The following COG5 variants were observed in gnomAD, a reference collection of about 807,000 sequenced individuals.
COG5 encodes the protein conserved oligomeric Golgi complex subunit 5.
In COG5, 86 loss-of-function variants were observed where a neutral mutation model predicts 110.4. That is an observed-to-expected ratio of 0.78 (90% CI 0.65 to 0.93). The LOEUF is 0.93. Ranked by LOEUF, COG5 falls within the 40% of genes least tolerant of loss-of-function variation. The pLI is 0.00. For missense variants in COG5, 1,077 were observed against 987.0 expected (o/e 1.09, Z -1.22); for synonymous variants, 360 against 334.6 (o/e 1.08, Z -0.83).
chr7:107,362,455 A>T (rs1259183528), intron 8 of COG5, 35 bp from the exon 9 acceptor site: 45 of 1,378,838 alleles, frequency 3.3e-5, no homozygotes, highest in Non-Finnish European at 4.6e-5. Context: ...TGAAAAATAA[A>T]GTTTTCCAAA....
At position 107,201,609 on chromosome 7, in the gene COG5, GCA is replaced by G. The variant is rs1798315271; in HGVS notation, c.*1905_*1906del. The G allele has an allele frequency of 1.5e-5, 7 of 452,182 alleles. No individual in the cohort carries two copies. The highest frequency in any genetic ancestry group is 8.1e-6 in the Non-Finnish European group (2 of 247,856). 28.0% of individuals were successfully genotyped at this position (452,182 alleles called of 1,614,324 possible). ...GTGAGGATTTGCTTTCTCCATTAGA[GCA>G]TTAAGCTAAAACTATCAACATTTTA... On this transcript the variant is annotated 3_prime_UTR_variant, in exon 22 of 22. Transcript: ENST00000297135.
At chr7:107,377,233 T>C (rs1371980340) in intron 7 of COG5, among the ~76,000 whole-genome samples, 1 of 152,204 alleles carries the variant, frequency 6.6e-6, no homozygotes, top group Non-Finnish European at 1.5e-5. Context: ...TTTTTAATAA[T>C]AAATTCAATT....
At chr7:107,507,976 G>A (rs1332896062) in intron 6 of COG5, among the ~76,000 whole-genome samples, 1 of 152,318 alleles carries the variant, frequency 6.6e-6, no homozygotes, top group East Asian at 1.9e-4. Flanking sequence ...GGTGATTTCT[G>A]CATTTCCATC....
chr7:107,462,685 G>C (rs1215812305), intron 6 of COG5, among the ~76,000 whole-genome samples: 1 of 151,828 alleles, frequency 6.6e-6, no homozygotes, highest in Non-Finnish European at 1.5e-5. Flanking sequence ...GCAGGGGTGG[G>C]ACACTGATTG....
intron 18 of COG5, among the ~76,000 whole-genome samples, chr7:107,235,386 G>C (rs1237608049): frequency 6.6e-6 from 1 of 152,230 alleles, no homozygotes; most frequent in Non-Finnish European, 1.5e-5. Context: ...GACTAGTAAA[G>C]CTAACAGCTT....
At position 107,248,440 on chromosome 7, in the gene COG5, A is replaced by T. The variant is rs1802217260; in HGVS notation, c.1809T>A (p.Ala603=). 1 of 1,612,954 alleles carries T rather than the reference A, an allele frequency of 6.2e-7. No individual in the cohort carries two copies. The highest frequency in any genetic ancestry group is 2.2e-5 in the East Asian group (1 of 44,832). ...GCATGGTGATGATTATGGCCTCTAT[A>T]GCATCTCCCACAGAAGTGAGTAAGG... is the stretch of plus-strand genomic sequence containing the variant. ...VQPLLTSVGD[A]IEAIIITMHQ... Residue 603 remains alanine (A), a synonymous_variant, in exon 17 of 22, where the codon GCT becomes GCA. Transcript: ENST00000297135.
rs1279772707 is a variant in COG5, at chr7:107,283,614, G to A, written c.1432C>T (p.Pro478Ser). The A allele has an allele frequency of 5.6e-6, 9 of 1,613,988 alleles. No homozygotes were observed. The highest frequency in any genetic ancestry group is 1.3e-5 in the African/African-American group (1 of 75,022). The change falls in exon 13 of 22, where the codon CCT becomes TCT. Residue 478 changes from proline (P) to serine (S), a missense_variant. By Grantham distance (74) the Pro-to-Ser change is moderately conservative (BLOSUM62 -1). Coordinates refer to ENST00000297135, the MANE Select transcript of COG5 (RefSeq NM_006348.5). ...LVFPPGGRNP[P>S]SSDELDGIIK... ...ATACCATCAAGTTCATCAGAGGAAG[G>A]AGGATTACGACCACCCGGGGGAAAA...
chr7:107,459,366 T>C (rs1016183672), intron 6 of COG5, among the ~76,000 whole-genome samples: 3 of 152,170 alleles, frequency 2.0e-5, no homozygotes, highest in East Asian at 3.9e-4. Context: ...ATCCTAAATG[T>C]GCATGCACCC....
At chr7:107,546,041 A>G (rs901401036) in intron 5 of COG5, among the ~76,000 whole-genome samples, 5 of 152,176 alleles carry the variant, frequency 3.3e-5, no homozygotes, top group Non-Finnish European at 7.3e-5. Context: ...CCACAATGGT[A>G]TTAAACTAGA....
intron 19 of COG5, 128 bp downstream of exon 19, chr7:107,230,487 A>G (rs1800698343): frequency 1.3e-6 from 1 of 764,566 alleles, no homozygotes. Flanking sequence ...TCTAAGATGA[A>G]TCATGAAATT....
intron 12 of COG5, among the ~76,000 whole-genome samples, chr7:107,295,091 ATATATATATATTT>A (rs1413546654): frequency 2.7e-5 from 2 of 74,686 alleles, no homozygotes; most frequent in African/African-American, 5.2e-5. Flanking sequence ...ATATATATAT[ATATATATATATTT>A]TTTTTTTTTT....
chr7:107,248,575 GA>G (rs1802236694), intron 16 of COG5, 76 bp from the exon 17 acceptor site: 5 of 936,564 alleles, frequency 5.3e-6, no homozygotes, highest in Admixed American at 1.9e-5. Context: ...TGAGATGTGA[GA>G]AACACCGTGA....
chr7:107,399,341 C>A (rs915317036), intron 7 of COG5, among the ~76,000 whole-genome samples: 9 of 152,152 alleles, frequency 5.9e-5, no homozygotes, highest in Non-Finnish European at 1.0e-4. Flanking sequence ...ACCCAAATCT[C>A]ATCTTGAATT....
intron 2 of COG5, 106 bp downstream of exon 2, chr7:107,557,870 T>C: frequency 2.2e-6 from 3 of 1,386,668 alleles, no homozygotes; most frequent in South Asian, 1.2e-5. Context: ...CTGGTAAGTA[T>C]GTACTTCTTC....
At chr7:107,314,904 T>C (rs919154312) in intron 11 of COG5, among the ~76,000 whole-genome samples, 2 of 152,238 alleles carry the variant, frequency 1.3e-5, no homozygotes, top group African/African-American at 4.8e-5. Context: ...TTTAGTACTT[T>C]CCTAAAAGAT....
Position 107,203,455 on chromosome 7 carries a change from G to T in COG5, c.*61C>A. The T allele has an allele frequency of 2.7e-6, 3 of 1,112,470 alleles. No individual in the cohort carries two copies. The highest frequency in any genetic ancestry group is 4.2e-6 in the Non-Finnish European group (3 of 722,740). 68.9% of individuals were successfully genotyped at this position (1,112,470 alleles called of 1,614,324 possible). ...ATAGTAGCAGTCTTTTGGAGTATGT[G>T]TTTAACTGCCAACTATGAATGGGTT... On this transcript the variant is annotated 3_prime_UTR_variant, in exon 22 of 22. Coordinates refer to ENST00000297135, the MANE Select transcript of COG5 (RefSeq NM_006348.5).
intron 21 of COG5, chr7:107,209,893 G>A (rs1332561143): frequency 2.0e-6 from 2 of 985,884 alleles, no homozygotes; most frequent in Non-Finnish European, 2.4e-6. Flanking sequence ...TTTGGTGGCT[G>A]AGAGGTCTCT....
intron 3 of COG5, among the ~76,000 whole-genome samples, chr7:107,550,220 C>T (rs1802789776): frequency 6.6e-6 from 1 of 152,132 alleles, no homozygotes; most frequent in Admixed American, 6.6e-5. Context: ...CATCAACAAA[C>T]CCTATCAGCT....
chr7:107,332,116 G>C (rs1810305271), intron 10 of COG5, among the ~76,000 whole-genome samples: 1 of 152,150 alleles, frequency 6.6e-6, no homozygotes, highest in African/African-American at 2.4e-5. Flanking sequence ...TGAAAGTACT[G>C]GGATTACAGG....
Sources: allele counts gnomAD v4.1 joint callset (sites outside exome capture counted in the v4.1 genomes callset), GRCh38; gene constraint gnomAD v4.1.1; transcripts MANE v1.5; gene names NCBI Gene and HGNC (gene_info 2026-07-23, HGNC 2026-07-21).